RTN4: variants seen among roughly 807,000 people sequenced by gnomAD.
RTN4 encodes reticulon-4.
A neutral mutation model predicts 90.4 loss-of-function variants in RTN4; 32 were observed. The observed-to-expected ratio is 0.35, with a 90% CI of 0.27 to 0.48. The LOEUF (loss-of-function observed/expected upper bound fraction) is 0.48, where lower values mean the gene tolerates loss of function less well. Among genes scored for constraint, RTN4 ranks in the 20% least tolerant of loss-of-function variants. The pLI is 0.99. For missense variants in RTN4, 1,706 were observed against 1,430.2 expected (o/e 1.19, Z -3.11); for synonymous variants, 629 against 552.5 (o/e 1.14, Z -1.94).
At chr2:55,041,363 A>C (rs1683061229) in intron 1 of RTN4, among the ~76,000 whole-genome samples, 1 of 152,102 alleles carries the variant, frequency 6.6e-6, no homozygotes, top group East Asian at 1.9e-4. Flanking sequence ...CAACCTACTA[A>C]AACTCCAACA....
chr2:55,095,137 A>T (rs1377316196), intron 1 of RTN4, among the ~76,000 whole-genome samples: 1 of 152,132 alleles, frequency 6.6e-6, no homozygotes, highest in African/African-American at 2.4e-5. Flanking sequence ...AGCCTGGCCA[A>T]AATGGTGAAA....
At chr2:54,981,277 G>GTT (rs145702336) in intron 5 of RTN4, among the ~76,000 whole-genome samples, 9 of 136,076 alleles carry the variant, frequency 6.6e-5, no homozygotes, top group South Asian at 4.6e-4. Flanking sequence ...AGGCTAAAAT[G>GTT]TTTTTGTTTT....
At chr2:55,024,877 T>C (rs1005315218) in intron 3 of RTN4, among the ~76,000 whole-genome samples, 2 of 152,144 alleles carry the variant, frequency 1.3e-5, no homozygotes, top group Non-Finnish European at 2.9e-5. Flanking sequence ...AATATAAAAG[T>C]GTAACTGTGT....
At chr2:55,099,128 C>T (rs1667805810) in intron 1 of RTN4, among the ~76,000 whole-genome samples, 1 of 151,986 alleles carries the variant, frequency 6.6e-6, no homozygotes. Context: ...TGAATTAGTT[C>T]TTTAAACAAG....
chr2:55,087,944 A>G (rs763396017), intron 1 of RTN4, among the ~76,000 whole-genome samples: 2 of 152,206 alleles, frequency 1.3e-5, no homozygotes, highest in Non-Finnish European at 2.9e-5. Flanking sequence ...ACATACACTT[A>G]TATTTGCAAA....
At chr2:55,072,211 T>G (rs1668526578) in intron 2 of RTN4, among the ~76,000 whole-genome samples, 1 of 147,442 alleles carries the variant, frequency 6.8e-6, no homozygotes, top group East Asian at 2.0e-4. Context: ...AAAGCATTAT[T>G]TGTATTTATA....
At position 55,028,220 on chromosome 2, in the gene RTN4, T is replaced by C. The variant is rs1384908187; in HGVS notation, c.557A>G (p.Asp186Gly). ...AGCAGGAAGAGCAAAAAGGGTCTCA[T>C]CTGAAAAACAAATAGAATATAACCT... is the stretch of plus-strand genomic sequence containing the variant. ...PKRRGSSGSV[D>G]ETLFALPAAS... Residue 186 changes from aspartate to glycine, a missense_variant and splice_region_variant, in exon 2 of 9, where the codon GAT becomes GGT. By Grantham distance (94) the Asp-to-Gly change is moderately conservative. Coordinates refer to ENST00000337526, the MANE Select transcript of RTN4 (RefSeq NM_020532.5). 2 of 1,612,296 alleles carry C rather than the reference T, an allele frequency of 1.2e-6. No homozygotes were observed. The highest frequency in any genetic ancestry group is 1.7e-5 in the Admixed American group (1 of 59,772).
chr2:55,030,169 A>G (rs1042509211), intron 1 of RTN4, among the ~76,000 whole-genome samples: 16 of 152,104 alleles, frequency 1.1e-4, no homozygotes, highest in Non-Finnish European at 2.2e-4. Context: ...AACAAACTAC[A>G]TCTAAATTTG....
In RTN4 at chr2:54,972,987, A is replaced by AAGAC. The variant is rs1233626218; in HGVS notation, c.*165_*168dup. 1.7e-5 allele frequency: 9 copies of AAGAC among 539,342 alleles called. No individual in the cohort carries two copies. The highest frequency in any genetic ancestry group is 1.1e-4 in the East Asian group (4 of 35,312). 33.4% of individuals were successfully genotyped at this position (539,342 alleles called of 1,614,324 possible). ...TTAAGATGATGAACACATGGCAGTC[A>AAGAC]AGACAGGTAATTTTTCCTCACAACA... On this transcript the variant is annotated 3_prime_UTR_variant, in exon 9 of 9. Coordinates refer to ENST00000337526, the MANE Select transcript of RTN4 (RefSeq NM_020532.5).
At chr2:55,033,371 C>T (rs1682462216) in intron 1 of RTN4, among the ~76,000 whole-genome samples, 1 of 152,166 alleles carries the variant, frequency 6.6e-6, no homozygotes, top group African/African-American at 2.4e-5. Flanking sequence ...TTCATGGATT[C>T]CTTATTTGCT....
intron 8 of RTN4, among the ~76,000 whole-genome samples, 157 bp from the exon 9 acceptor site, chr2:54,973,355 G>GAATT (rs1392125243): frequency 2.0e-5 from 3 of 152,258 alleles, no homozygotes; most frequent in South Asian, 2.1e-4. Context: ...TTGGCCTCAT[G>GAATT]AATTAGATTT....
chr2:55,055,787 A>C (rs1254698206), upstream of RTN4, among the ~76,000 whole-genome samples: 53 of 151,658 alleles, frequency 3.5e-4, 1 homozygote, highest in Non-Finnish European at 6.9e-4. Context: ...AAAACAAAAA[A>C]AACAAAAACA....
At position 55,050,224 on chromosome 2, in the gene RTN4, TG is replaced by T; in HGVS notation, c.76del (p.Gln26SerfsTer3). The stretch of plus-strand genomic sequence containing the variant: ...CTCGTCCTCGGGCTCCCTCACGAAC[TG>T]GTACTTGAACGCGGGCTGCGGCCGG... ...PPRPQPAFKY[Q>X]FVREPEDEEE... On this transcript the variant is annotated frameshift_variant, in exon 1 of 9. Transcript: ENST00000337526. LOFTEE classifies it high-confidence loss of function. The surrounding 1 kb of genome is among the most constrained non-coding windows in gnomAD (Gnocchi z 4.6). 2 of 1,559,576 alleles carry T rather than the reference TG, an allele frequency of 1.3e-6. No homozygotes were observed. The highest frequency in any genetic ancestry group is 1.2e-5 in the South Asian group (1 of 85,222).
At chr2:55,044,785 T>TAAAAAAAAAAAAAA (rs10639848) in intron 1 of RTN4, among the ~76,000 whole-genome samples, 4 of 65,658 alleles carry the variant, frequency 6.1e-5, no homozygotes, top group Admixed American at 2.3e-4. Flanking sequence ...TGCAAATCAC[T>TAAAAAAAAAAAAAA]AAAAAAAAAA....
intron 3 of RTN4, among the ~76,000 whole-genome samples, chr2:55,023,391 T>C (rs1022918075): frequency 2.0e-5 from 3 of 152,112 alleles, no homozygotes; most frequent in Admixed American, 6.6e-5. Flanking sequence ...TCTACTTCAT[T>C]CCCAGCAAAT....
intron 1 of RTN4, among the ~76,000 whole-genome samples, chr2:55,085,687 A>G (rs1425246194): frequency 3.3e-5 from 5 of 152,228 alleles, no homozygotes; most frequent in Admixed American, 2.6e-4. Flanking sequence ...GAATCATATT[A>G]TAATCCTTCC....
chr2:54,996,802 C>T (rs574734449), intron 3 of RTN4, among the ~76,000 whole-genome samples: 8 of 152,154 alleles, frequency 5.3e-5, no homozygotes, highest in African/African-American at 1.7e-4. Context: ...ACTCTGTCAC[C>T]CATGCTGGAG....
intron 1 of RTN4, among the ~76,000 whole-genome samples, chr2:55,098,015 A>G (rs1312755142): frequency 6.6e-6 from 1 of 151,442 alleles, no homozygotes; most frequent in African/African-American, 2.4e-5. Flanking sequence ...TTTCTACCTC[A>G]CACAATTTTA....
intron 1 of RTN4, among the ~76,000 whole-genome samples, chr2:55,042,469 G>A (rs985129774): frequency 6.6e-6 from 1 of 152,142 alleles, no homozygotes; most frequent in Non-Finnish European, 1.5e-5. Flanking sequence ...GGAAAATAAA[G>A]TGAAAAGGAT....
Sources: allele counts gnomAD v4.1 joint callset (sites outside exome capture counted in the v4.1 genomes callset), GRCh38; gene constraint gnomAD v4.1.1; non-coding constraint Gnocchi (gnomAD v3.1); transcripts MANE v1.5; gene names NCBI Gene and HGNC (gene_info 2026-07-23, HGNC 2026-07-21).